The following ASAP1 variants were observed in gnomAD, a reference collection of about 807,000 sequenced individuals.
ASAP1 encodes the protein ArfGAP with SH3 domain, ankyrin repeat and PH domain 1, also known as arf-GAP with SH3 domain, ANK repeat and PH domain-containing protein 1.
A neutral mutation model predicts 145.2 loss-of-function variants in ASAP1; 43 were observed. The observed-to-expected ratio is 0.30, with a 90% CI of 0.23 to 0.38. ASAP1 has a LOEUF of 0.38. Among genes scored for constraint, ASAP1 ranks in the 10% least tolerant of loss-of-function variants. The probability of loss-of-function intolerance (pLI) is 1.00; values close to 1 mark genes in which losing one functional copy is unlikely to be tolerated. For missense variants in ASAP1, 1,018 were observed against 1,355.3 expected, an observed-to-expected ratio of 0.75 and a Z score of 3.91; for synonymous variants, 546 against 515.5, an observed-to-expected ratio of 1.06 and a Z score of -0.80.
At chr8:130,218,862 T>TAC (rs1565101955) in intron 4 of ASAP1, among the ~76,000 whole-genome samples, 2 of 151,954 alleles carry the variant, frequency 1.3e-5, no homozygotes, top group Admixed American at 1.3e-4. Flanking sequence ...TATATATATA[T>TAC]ATGCATATGT....
rs376353418 is a variant in ASAP1 at position 130,167,309 on chromosome 8, A to G, written c.909+227T>C. On this transcript the variant is annotated intron_variant, in intron 11 of 29. Transcript: ENST00000518721. Reference sequence around the variant, plus strand: ...AGACCCTGTCTCAAAAAAGTAAAGAAAAAAGAAAAAAAAAAAATCCAGAGT... The same window carrying G: ...AGACCCTGTCTCAAAAAAGTAAAGAGAAAAGAAAAAAAAAAAATCCAGAGT... 2.4e-5 allele frequency: 13 copies of G among 544,228 alleles called. No individual in the cohort carries two copies. The African/African-American group carries it at 4.8e-4, about 20-fold the overall frequency. The allele number at this position is 544,228 out of a possible 1,614,324, so 33.7% of individuals were successfully genotyped here.
chr8:130,060,927 G>C lies in ASAP1; in HGVS notation c.2844C>G (p.Pro948=). The C allele has an allele frequency of 6.2e-7, 1 of 1,611,208 alleles. No individual in the cohort carries two copies. Among genetic ancestry groups the C allele is most frequent in the Non-Finnish European group, 8.5e-7 (1 of 1,178,130 alleles). Residue 948 remains proline (P), a synonymous_variant, in exon 28 of 30, where the codon CCC becomes CCG. Transcript: ENST00000518721. ...DLPPKPTELA[P]KPQIGDLPPK... ...GCGGCAAATCTCCAATTTGGGGCTTGGGGGCCAGTTCTGTGGGCTTTGGGG... is the reference window on the plus strand; with the variant it reads ...GCGGCAAATCTCCAATTTGGGGCTTCGGGGCCAGTTCTGTGGGCTTTGGGG...
chr8:130,427,890 C>T (rs888196353), intron 1 of ASAP1: 1 of 152,214 alleles, frequency 6.6e-6, no homozygotes, highest in African/African-American at 2.4e-5. Context: ...TCACAAATCT[C>T]ATCTTCCTGG....
chr8:130,197,435 C>T (rs1164109842), intron 5 of ASAP1, among the ~76,000 whole-genome samples: 8 of 152,082 alleles, frequency 5.3e-5, no homozygotes, highest in Non-Finnish European at 1.5e-5. Flanking sequence ...TGAGACAGAA[C>T]AGACTGTCTC....
At chr8:130,117,425 T>C (rs1026492429) in intron 20 of ASAP1, among the ~76,000 whole-genome samples, 1 of 152,220 alleles carries the variant, frequency 6.6e-6, no homozygotes, top group East Asian at 1.9e-4. Context: ...CTATGCTATA[T>C]TGTCTCTGAG....
chr8:130,385,973 G>C (rs913695899), intron 2 of ASAP1, among the ~76,000 whole-genome samples: 5 of 152,308 alleles, frequency 3.3e-5, no homozygotes, highest in East Asian at 1.9e-4. Flanking sequence ...AATCAGAATA[G>C]TCCATGGCCT....
chr8:130,332,732 A>T (rs1024831625), intron 3 of ASAP1, among the ~76,000 whole-genome samples: 42 of 152,152 alleles, frequency 2.8e-4, no homozygotes, highest in African/African-American at 1.0e-3. Context: ...CACTTTCTTC[A>T]AGTAAAAGGA....
chr8:130,308,049 C>T (rs1823103271), intron 3 of ASAP1, among the ~76,000 whole-genome samples: 1 of 152,318 alleles, frequency 6.6e-6, no homozygotes, highest in East Asian at 1.9e-4. Flanking sequence ...CAATTTGCTT[C>T]TAGCAAAACA....
Position 130,093,666 on chromosome 8 carries a change from C to CAAAAAA in ASAP1, c.2402-1529_2402-1524dup, listed in dbSNP as rs71572317. ...TGGCTGTCACAGCGAGACTCCGTCTCAAAAAAAAAAAAAAAAAAAAAAAGA... is the reference window on the plus strand; with the variant it reads ...TGGCTGTCACAGCGAGACTCCGTCTCAAAAAAAAAAAAAAAAAAAAAAAAAAAAAGA... On this transcript the variant is annotated intron_variant, in intron 24 of 29. Coordinates refer to ENST00000518721, the MANE Select transcript of ASAP1 (RefSeq NM_018482.4). Among the ~76,000 whole-genome samples the CAAAAAA allele has an allele frequency of 4.5e-3, 231 of 51,816 alleles. 4 individuals carry two copies. Among genetic ancestry groups the CAAAAAA allele is most frequent in the Non-Finnish European group, 6.6e-3 (192 of 28,894 alleles). 34.0% of individuals were successfully genotyped at this position (51,816 alleles called of 152,430 possible). A position where few individuals can be genotyped will look rare whatever the true frequency, so the allele number is the denominator to read the frequency against.
At chr8:130,097,031 C>G (rs1407711492) in intron 24 of ASAP1, among the ~76,000 whole-genome samples, 1 of 140,194 alleles carries the variant, frequency 7.1e-6, no homozygotes, top group Non-Finnish European at 1.5e-5. Context: ...GAGGCTGAGG[C>G]AGGAGAATCG....
At chr8:130,250,010 A>C (rs1274478377) in intron 3 of ASAP1, among the ~76,000 whole-genome samples, 1 of 152,212 alleles carries the variant, frequency 6.6e-6, no homozygotes, top group African/African-American at 2.4e-5. Context: ...TTTAAATGAA[A>C]GAAATTTTAA....
chr8:130,438,139 G>A (rs1161998904), intron 1 of ASAP1, among the ~76,000 whole-genome samples: 1 of 152,154 alleles, frequency 6.6e-6, no homozygotes, highest in Non-Finnish European at 1.5e-5. Flanking sequence ...AGTGCTTAAG[G>A]TCTCAAGAAA....
At chr8:130,115,795 TAC>T (rs2097554839) in intron 22 of ASAP1, 60 bp from the exon 23 acceptor site, 1 of 1,238,898 alleles carries the variant, frequency 8.1e-7, no homozygotes, top group Admixed American at 1.7e-5. Flanking sequence ...CCCAATATTA[TAC>T]AAACACTGAG....
intron 3 of ASAP1, among the ~76,000 whole-genome samples, chr8:130,286,943 G>A (rs764379991): frequency 1.5e-4 from 23 of 152,102 alleles, no homozygotes; most frequent in Admixed American, 2.6e-4. Flanking sequence ...AGCAGGGAGC[G>A]ATTCAGATGA....
At chr8:130,244,564 T>C (rs1024951842) in intron 3 of ASAP1, among the ~76,000 whole-genome samples, 1 of 152,162 alleles carries the variant, frequency 6.6e-6, no homozygotes. Context: ...TAGAATTATC[T>C]TTCTATGCAC....
chr8:130,112,253 G>A lies in ASAP1; in HGVS notation c.2242C>T (p.Gln748Ter). ...SFCHSSSISP[Q>*]DKLALPGFST... ...AATCCTGGCAGTGCCAGCTTGTCCTGGGGGGAGATGCTGGAGGAGTGGCAG... is the reference window on the plus strand; with the variant it reads ...AATCCTGGCAGTGCCAGCTTGTCCTAGGGGGAGATGCTGGAGGAGTGGCAG... Residue 748 changes from glutamine (Q) to a stop codon, truncating the protein, a stop_gained, in exon 24 of 30, where the codon CAG (glutamine) becomes TAG (stop). Transcript: ENST00000518721. LOFTEE classifies it high-confidence loss of function. The A allele has an allele frequency of 6.2e-7, 1 of 1,614,126 alleles. No individual in the cohort carries two copies. The highest frequency in any genetic ancestry group is 8.5e-7 in the Non-Finnish European group (1 of 1,179,986).
chr8:130,443,152 G>A (rs1830547268), intron 1 of ASAP1, among the ~76,000 whole-genome samples: 1 of 151,984 alleles, frequency 6.6e-6, no homozygotes, highest in Non-Finnish European at 1.5e-5. Context: ...AACCCCCCAG[G>A]GCGGGCCCCG....
At chr8:130,200,066 G>T (rs1815767664) in intron 5 of ASAP1, among the ~76,000 whole-genome samples, 1 of 152,048 alleles carries the variant, frequency 6.6e-6, no homozygotes, top group Non-Finnish European at 1.5e-5. Flanking sequence ...CAGGGCCTTG[G>T]GCTACTGGCA....
intron 3 of ASAP1, among the ~76,000 whole-genome samples, chr8:130,309,359 G>A (rs572558606): frequency 6.6e-6 from 1 of 152,344 alleles, no homozygotes; most frequent in African/African-American, 2.4e-5. Flanking sequence ...CTGACTAACA[G>A]AGAGGTGATG....
Sources: gnomAD v4.1 joint callset for allele counts (sites outside exome capture counted in the v4.1 genomes callset) on GRCh38, gnomAD v4.1.1 for gene constraint, MANE v1.5 for transcripts, NCBI Gene and HGNC (gene_info 2026-07-23, HGNC 2026-07-21) for gene names.